Variants in GUCY2D observed in about 807,000 individuals in gnomAD.
The protein encoded by GUCY2D is guanylate cyclase 2D, retinal, also known as retinal guanylyl cyclase 1.
A neutral mutation model predicts 101.3 loss-of-function variants in GUCY2D; 70 were observed. The observed-to-expected ratio is 0.69, with a 90% CI of 0.57 to 0.84. GUCY2D has a LOEUF of 0.84. GUCY2D is among the 40% of genes least tolerant of loss of function. GUCY2D has a pLI of 0.00. For synonymous variants in GUCY2D, 688 were observed against 670.7 expected, an observed-to-expected ratio of 1.03 and a Z score of -0.40; for missense variants, 1,460 against 1,542.5, an observed-to-expected ratio of 0.95 and a Z score of 0.90.
chr17:8,012,672 C>G lies in GUCY2D; in HGVS notation c.2113+66C>G, dbSNP rs2151802632. ...CATTATTTCAAGGGCTTCTCCCCCG[C>G]TTCCTCCCTACCTCTGCCCTCGCAC... On this transcript the variant is annotated intron_variant, in intron 10 of 19. Coordinates refer to ENST00000254854, the MANE Select transcript of GUCY2D (RefSeq NM_000180.4). The G allele has an allele frequency of 2.3e-6, 3 of 1,280,242 alleles. No homozygotes were observed. The East Asian group carries it at 7.0e-5, about 30-fold the overall frequency. The allele number at this position is 1,280,242 out of a possible 1,614,324, so 79.3% of individuals were successfully genotyped here.
At position 8,012,485 on chromosome 17, in the gene GUCY2D, T is replaced by A; in HGVS notation, c.1992T>A (p.His664Gln). 1 of 1,614,060 alleles carries A rather than the reference T, an allele frequency of 6.2e-7. No individual in the cohort carries two copies. Among genetic ancestry groups the A allele is most frequent in the Non-Finnish European group, 8.5e-7 (1 of 1,179,998 alleles). The change falls in exon 10 of 20, where the codon CAT (histidine) becomes CAA (glutamine). Residue 664 changes from histidine (H) to glutamine (Q), a missense_variant. By Grantham distance (24) the His-to-Gln change is conservative. Coordinates refer to ENST00000254854, the MANE Select transcript of GUCY2D (RefSeq NM_000180.4). ...IRYLHHRGVAHGRLKSRNCIV... is the reference protein window; with the variant it reads ...IRYLHHRGVAQGRLKSRNCIV... The stretch of plus-strand genomic sequence containing the variant: ...ATCTGCACCATCGAGGCGTGGCTCA[T>A]GGGCGGCTGAAGTCACGGAACTGCA...
At position 8,003,188 on chromosome 17, in the gene GUCY2D, C is replaced by T. The variant is rs1482857964; in HGVS notation, c.141C>T (p.Pro47=). Residue 47 remains proline, a synonymous_variant, in exon 2 of 20, where the codon CCC becomes CCT. Transcript: ENST00000254854. ...TGCTGCTCCTGCTTCTGCTGCAGCC[C>T]CCCGCCCTCTCCGCCGTGTTCACGG... ...PLLLLLLLLQ[P]PALSAVFTVG... 1 of 1,517,652 alleles carries T rather than the reference C, an allele frequency of 6.6e-7. No individual in the cohort carries two copies. Among genetic ancestry groups the T allele is most frequent in the Non-Finnish European group, 8.8e-7 (1 of 1,138,734 alleles). The allele number at this position is 1,517,652 out of a possible 1,614,324, so 94.0% of individuals were successfully genotyped here.
At chr17:8,005,824 A>C (rs1191727694) in intron 3 of GUCY2D, among the ~76,000 whole-genome samples, 1 of 152,242 alleles carries the variant, frequency 6.6e-6, no homozygotes, top group African/African-American at 2.4e-5. Context: ...AACTGGGAAT[A>C]ATAGAGAAGC....
At chr17:8,007,892 A>C (rs769024262) in intron 6 of GUCY2D, 39 bp from the exon 7 acceptor site, 2 of 1,280,406 alleles carry the variant, frequency 1.6e-6, no homozygotes, top group Non-Finnish European at 2.3e-6. Flanking sequence ...CTGACACCAG[A>C]ATATATTTTG....
At chr17:8,003,011 G>T in intron 1 of GUCY2D, 28 bp from the exon 2 acceptor site, 4 of 1,515,294 alleles carry the variant, frequency 2.6e-6, no homozygotes, top group Non-Finnish European at 3.5e-6. Flanking sequence ...GGTCTCAGTC[G>T]CTCAGCCTGC....
intron 8 of GUCY2D, among the ~76,000 whole-genome samples, chr17:8,010,703 G>A (rs944980780): frequency 1.3e-5 from 2 of 151,768 alleles, no homozygotes; most frequent in African/African-American, 4.8e-5. Context: ...AGCTACTGTG[G>A]GAGGCTGAGG....
At chr17:8,016,373 A>G in intron 18 of GUCY2D, 70 bp from the exon 19 acceptor site, 1 of 1,436,542 alleles carries the variant, frequency 7.0e-7, no homozygotes, top group Non-Finnish European at 9.6e-7. Context: ...CGCGCGAGGC[A>G]GCGATGACGT....
rs1567961883 is a variant in GUCY2D at position 8,015,338 on chromosome 17, T to C, written c.2780T>C (p.Ile927Thr). The change falls in exon 15 of 20, where the codon ATA (isoleucine) becomes ACA (threonine). Residue 927 changes from isoleucine to threonine, a missense_variant. By Grantham distance (89) the Ile-to-Thr change is moderately conservative. Coordinates refer to ENST00000254854, the MANE Select transcript of GUCY2D (RefSeq NM_000180.4). ...GSHDVYKVET[I>T]GDAYMVASGL... ...TCCTTCTTCCCCCAGGTGGAGACAA[T>C]AGGGGACGCCTATATGGTGGCCTCG... 2.5e-6 allele frequency: 4 copies of C among 1,607,052 alleles called. No individual in the cohort carries two copies. The highest frequency in any genetic ancestry group is 3.4e-6 in the Non-Finnish European group (4 of 1,179,824).
At position 8,011,634 on chromosome 17, in the gene GUCY2D, G is replaced by A. The variant is rs1313918889; in HGVS notation, c.1750-510G>A. On this transcript the variant is annotated intron_variant, in intron 8 of 19. Transcript: ENST00000254854. This position sits in a 1 kb window ranked among gnomAD's most constrained non-coding sequence, Gnocchi z 4.3. ...AGCCAGGAGTTCAAGACCAGCCTGG[G>A]CAACATAGCAAGGCTCCCATCTCTA... 6.6e-6 allele frequency among the ~76,000 whole-genome samples: 1 copy of A among 152,124 alleles called. No individual in the cohort carries two copies. The highest frequency in any genetic ancestry group is 1.5e-5 in the Non-Finnish European group (1 of 68,026).
rs1975868450 is a variant in GUCY2D at position 8,012,326 on chromosome 17, C to T, written c.1932C>T (p.Ser644=). The part of the protein sequence containing the change: ...REIKLDWMFK[S]SLLLDLIKGI... The stretch of plus-strand genomic sequence containing the variant: ...TAAAGCTGGACTGGATGTTCAAGTC[C>T]TCCCTCCTGCTGGACCTTATCAAGG... Residue 644 remains serine, a synonymous_variant, in exon 9 of 20, where the codon TCC becomes TCT. Coordinates refer to ENST00000254854, the MANE Select transcript of GUCY2D (RefSeq NM_000180.4). 6.2e-7 allele frequency: 1 copy of T among 1,613,632 alleles called. No homozygotes were observed. Among genetic ancestry groups the T allele is most frequent in the African/African-American group, 1.3e-5 (1 of 74,842 alleles).
At position 8,012,484 on chromosome 17, in the gene GUCY2D, A is replaced by G. The variant is rs1238251797; in HGVS notation, c.1991A>G (p.His664Arg). 6.2e-7 allele frequency: 1 copy of G among 1,613,978 alleles called. No individual in the cohort carries two copies. The highest frequency in any genetic ancestry group is 1.3e-5 in the African/African-American group (1 of 74,912). Reference sequence around the variant, plus strand: ...TATCTGCACCATCGAGGCGTGGCTCATGGGCGGCTGAAGTCACGGAACTGC... The same window carrying G: ...TATCTGCACCATCGAGGCGTGGCTCGTGGGCGGCTGAAGTCACGGAACTGC... ...IRYLHHRGVAHGRLKSRNCIV... is the reference protein window; with the variant it reads ...IRYLHHRGVARGRLKSRNCIV... The change falls in exon 10 of 20, where the codon CAT becomes CGT. Residue 664 changes from histidine to arginine, a missense_variant. This residue lies in a region of GUCY2D where 1,196 missense variants were observed against 1,229.6 expected (regional missense o/e 0.97). Coordinates refer to ENST00000254854, the MANE Select transcript of GUCY2D (RefSeq NM_000180.4).
intron 7 of GUCY2D, 35 bp from the exon 8 acceptor site, chr17:8,009,471 G>T (rs775192787): frequency 7.1e-7 from 1 of 1,416,270 alleles, no homozygotes; most frequent in Non-Finnish European, 1.0e-6. Flanking sequence ...GATTTTAAGA[G>T]ACTGAGTTCC....
In GUCY2D at chr17:8,016,515, G is replaced by A. The variant is rs142351773; in HGVS notation, c.3297G>A (p.Pro1099=). The change falls in exon 19 of 20, where the codon CCG becomes CCA. Residue 1099 remains proline, a synonymous_variant. Coordinates refer to ENST00000254854, the MANE Select transcript of GUCY2D (RefSeq NM_000180.4). ...ERRRKLEKAR[P]GQFS ...GACGGAAGCTGGAGAAGGCGCGGCC[G>A]GGCCAGTTCTCTTGAGAAGTGAGGC... 0.021 allele frequency: 32,432 copies of A among 1,568,828 alleles called. 439 individuals carry two copies. Among genetic ancestry groups the A allele is most frequent in the Middle Eastern group, 0.057 (339 of 5,974 alleles).
At position 8,013,108 on chromosome 17, in the gene GUCY2D, C is replaced by A. The variant is rs775339427; in HGVS notation, c.2119C>A (p.Leu707Met). Reference protein sequence around the residue: ...LPEPPRAEDQLWTAPELLRDP... With the variant: ...LPEPPRAEDQMWTAPELLRDP... ...AGCCCCTTCCCCATCCCCAGACCAG[C>A]TGTGGACAGCCCCGGAGCTGCTTAG... is the stretch of plus-strand genomic sequence containing the variant. Residue 707 changes from leucine to methionine, a missense_variant, in exon 11 of 20, where the codon CTG becomes ATG. Coordinates refer to ENST00000254854, the MANE Select transcript of GUCY2D (RefSeq NM_000180.4). This position sits in a 1 kb window ranked among gnomAD's most constrained non-coding sequence, Gnocchi z 5.0. 1.9e-6 allele frequency: 3 copies of A among 1,612,384 alleles called. No individual in the cohort carries two copies. The Admixed American group carries it at 5.0e-5, about 27-fold the overall frequency.
intron 19 of GUCY2D, among the ~76,000 whole-genome samples, chr17:8,017,276 G>C (rs1189941280): frequency 6.6e-6 from 1 of 152,168 alleles, no homozygotes; most frequent in African/African-American, 2.4e-5. Flanking sequence ...TGGGTGGCTT[G>C]TGGCCCTCAC....
At position 8,012,219 on chromosome 17, in the gene GUCY2D, G is replaced by A. The variant is rs1009884304; in HGVS notation, c.1825G>A (p.Ala609Thr). ...GGCTCGGGGAGCAGAAGGCCCTGCG[G>A]CCCTCTGGGAGGGCAACCTGGCTGT... ...FLARGAEGPA[A>T]LWEGNLAVVS... Residue 609 changes from alanine (A) to threonine (T), a missense_variant, in exon 9 of 20, where the codon GCC becomes ACC. By Grantham distance (58) the Ala-to-Thr change is moderately conservative. This residue lies in a region of GUCY2D where 1,196 missense variants were observed against 1,229.6 expected (regional missense o/e 0.97). Coordinates refer to ENST00000254854, the MANE Select transcript of GUCY2D (RefSeq NM_000180.4). The A allele has an allele frequency of 1.9e-6, 3 of 1,614,130 alleles. No homozygotes were observed. Among genetic ancestry groups the A allele is most frequent in the Non-Finnish European group, 2.5e-6 (3 of 1,179,972 alleles).
rs772051916 is a variant in GUCY2D, at chr17:8,003,825, C to G, written c.722-27C>G. On this transcript the variant is annotated intron_variant, in intron 2 of 19. Transcript: ENST00000254854. ...GCTGGTCCTGCCGGCAGCCGGACGG[C>G]GCCGCGAGCCAAGCCTCTGTCCGCA... 2.5e-6 allele frequency: 4 copies of G among 1,604,950 alleles called. No individual in the cohort carries two copies. In the South Asian group the frequency reaches 4.4e-5, roughly 18 times the overall value.
Position 8,015,924 on chromosome 17 carries a change from C to T in GUCY2D, c.3044-3C>T, listed in dbSNP as rs756042481. 6.2e-7 allele frequency: 1 copy of T among 1,610,330 alleles called. No individual in the cohort carries two copies. The highest frequency in any genetic ancestry group is 2.2e-5 in the East Asian group (1 of 44,766). On this transcript the variant is annotated splice_region_variant and splice_polypyrimidine_tract_variant and intron_variant, in intron 16 of 19. Coordinates refer to ENST00000254854, the MANE Select transcript of GUCY2D (RefSeq NM_000180.4). ...GAGCTCACGGCGTCCCCCACCGCCA[C>T]AGCTTACCGCATCCACGTGAACTTG...
intron 18 of GUCY2D, 24 bp from the exon 19 acceptor site, chr17:8,016,419 G>A: frequency 6.5e-7 from 1 of 1,533,572 alleles, no homozygotes. Context: ...CCCCTTCCCT[G>A]AGGCCACCGC....
Sources: allele counts gnomAD v4.1 joint callset (sites outside exome capture counted in the v4.1 genomes callset), GRCh38; gene constraint gnomAD v4.1.1; regional missense constraint gnomAD v4.1.1; non-coding constraint Gnocchi (gnomAD v3.1); transcripts MANE v1.5; gene names NCBI Gene and HGNC (gene_info 2026-07-23, HGNC 2026-07-21).